Variants in MANBA observed in about 807,000 individuals in gnomAD.
MANBA encodes the protein mannosidase beta.
In MANBA, 83 loss-of-function variants were observed where a neutral mutation model predicts 111.1. The ratio of observed to expected loss-of-function variants is 0.75; its 90% CI spans 0.63 to 0.90. The LOEUF is 0.90. Ranked by LOEUF, MANBA falls within the 40% of genes least tolerant of loss-of-function variation. MANBA has a pLI of 0.00. For synonymous variants in MANBA, 370 were observed against 378.7 expected (o/e 0.98, Z 0.27); for missense variants, 1,036 against 1,069.0 (o/e 0.97, Z 0.43).
At chr4:102,731,989 C>T (rs1198594715) in intron 1 of MANBA, among the ~76,000 whole-genome samples, 1 of 152,032 alleles carries the variant, frequency 6.6e-6, no homozygotes, top group African/African-American at 2.4e-5. Context: ...CTCACTGCAA[C>T]TTCAGCCTCC....
At position 102,699,760 on chromosome 4, in the gene MANBA, C is replaced by A. The variant is rs1426989078; in HGVS notation, c.674-8989G>T. On this transcript the variant is annotated intron_variant, in intron 5 of 16. Coordinates refer to ENST00000647097, the MANE Select transcript of MANBA (RefSeq NM_005908.4). ...TGATGTGCTGCTGGATCCGGTTTGC[C>A]AGTATTTTATTGAGGATTTTTGCAT... Among the ~76,000 whole-genome samples the A allele has an allele frequency of 1.5e-4, 22 of 151,004 alleles. No individual in the cohort carries two copies. In the South Asian group the frequency reaches 4.5e-3, roughly 31 times the overall value.
rs2110184060 is a variant in MANBA at position 102,631,150 on chromosome 4, GTGTA to G, written c.*903_*906del. The G allele has an allele frequency of 6.9e-6, 1 of 145,786 alleles. No individual in the cohort carries two copies. The highest frequency in any genetic ancestry group is 2.1e-4 in the South Asian group (1 of 4,662). The allele number at this position is 145,786 out of a possible 1,614,324, so 9.0% of individuals were successfully genotyped here. ...TGTGTGTGTGTGTGTGTGTGTGTGT[GTGTA>G]CATATAAAATGAGGATACTCTTAGA... On this transcript the variant is annotated 3_prime_UTR_variant, in exon 17 of 17. Coordinates refer to ENST00000647097, the MANE Select transcript of MANBA (RefSeq NM_005908.4).
chr4:102,707,567 C>G (rs1003309602), intron 5 of MANBA, among the ~76,000 whole-genome samples: 1 of 151,970 alleles, frequency 6.6e-6, no homozygotes, highest in African/African-American at 2.4e-5. Flanking sequence ...AAACACCAAA[C>G]CACAGTGATA....
At position 102,690,714 on chromosome 4, in the gene MANBA, G is replaced by A; in HGVS notation, c.731C>T (p.Ser244Leu). 1 of 1,606,382 alleles carries A rather than the reference G, an allele frequency of 6.2e-7. No homozygotes were observed. Among genetic ancestry groups the A allele is most frequent in the African/African-American group, 1.3e-5 (1 of 74,810 alleles). ...GATCACTTGACCACCAACTGGCTTT[G>A]AGCTGACAACATCAAATGTAGACTC... Reference protein sequence around the residue: ...EIESTFDVVSSKPVGGQVIVA... With the variant: ...EIESTFDVVSLKPVGGQVIVA... The change falls in exon 6 of 17, where the codon TCA becomes TTA. Residue 244 changes from serine (S) to leucine (L), a missense_variant. Coordinates refer to ENST00000647097, the MANE Select transcript of MANBA (RefSeq NM_005908.4).
At chr4:102,678,326 G>A (rs928496516) in intron 7 of MANBA, among the ~76,000 whole-genome samples, 3 of 152,060 alleles carry the variant, frequency 2.0e-5, no homozygotes, top group South Asian at 2.1e-4. Context: ...AAAGGCTCCC[G>A]CTTCTATGAT....
At chr4:102,746,132 G>A (rs1220293630) in intron 1 of MANBA, among the ~76,000 whole-genome samples, 1 of 152,208 alleles carries the variant, frequency 6.6e-6, no homozygotes, top group Non-Finnish European at 1.5e-5. Flanking sequence ...TGGGGATGAA[G>A]AAGCTGTTTC....
At chr4:102,748,430 CTA>C (rs533338728) in intron 1 of MANBA, among the ~76,000 whole-genome samples, 4 of 150,698 alleles carry the variant, frequency 2.7e-5, no homozygotes, top group African/African-American at 7.3e-5. Context: ...CAATATAAAA[CTA>C]TATATATATA....
In MANBA at chr4:102,723,978, G is replaced by A. The variant is rs1157413207; in HGVS notation, c.273-11C>T. The stretch of plus-strand genomic sequence containing the variant: ...ACTTTTTGCCATTTGCTAAAAAAAA[G>A]AAAAGATTTTTAAAACAAGATGTGT... On this transcript the variant is annotated splice_polypyrimidine_tract_variant and intron_variant, in intron 2 of 16. Transcript: ENST00000647097. 1.3e-6 allele frequency: 2 copies of A among 1,491,318 alleles called. No individual in the cohort carries two copies. Among genetic ancestry groups the A allele is most frequent in the East Asian group, 2.3e-5 (1 of 44,002 alleles). The allele number at this position is 1,491,318 out of a possible 1,614,324, so 92.4% of individuals were successfully genotyped here.
chr4:102,728,464 T>C, intron 1 of MANBA: 2 of 402,134 alleles, frequency 5.0e-6, no homozygotes, highest in South Asian at 3.9e-5. Context: ...CTTTGTATGG[T>C]TTTTCGGAAT....
At chr4:102,681,783 T>G (rs1731989161) in intron 7 of MANBA, among the ~76,000 whole-genome samples, 1 of 152,164 alleles carries the variant, frequency 6.6e-6, no homozygotes, top group Admixed American at 6.5e-5. Flanking sequence ...TTCCAAACTG[T>G]TATAAATTTG....
intron 1 of MANBA, chr4:102,728,457 T>G (rs1722894915): frequency 9.6e-6 from 4 of 416,356 alleles, no homozygotes; most frequent in African/African-American, 8.3e-5. Context: ...AGGGACTCTT[T>G]GTATGGTTTT....
intron 1 of MANBA, among the ~76,000 whole-genome samples, chr4:102,741,274 T>TA (rs986621395): frequency 6.6e-6 from 1 of 151,926 alleles, no homozygotes; most frequent in South Asian, 2.1e-4. Flanking sequence ...TGGCCATAAT[T>TA]AAAAAAACAA....
chr4:102,685,732 A>G (rs1290953835), intron 7 of MANBA, among the ~76,000 whole-genome samples: 1 of 152,154 alleles, frequency 6.6e-6, no homozygotes, highest in Non-Finnish European at 1.5e-5. Flanking sequence ...TAAAGTTCCA[A>G]CAATAATACA....
chr4:102,732,130 C>T (rs538227669), intron 1 of MANBA, among the ~76,000 whole-genome samples: 4 of 152,226 alleles, frequency 2.6e-5, no homozygotes, highest in East Asian at 1.9e-4. Flanking sequence ...AGGCTGGTCT[C>T]GAACTCCTGA....
At chr4:102,722,290 T>C (rs1485330428) in intron 4 of MANBA, 1 of 156,572 alleles carries the variant, frequency 6.4e-6, no homozygotes, top group South Asian at 1.8e-4. Context: ...CAATTAAAAT[T>C]TTTAAAATAT....
rs138196370 is a variant in MANBA, at chr4:102,683,877, C to G, written c.960+5697G>C. On this transcript the variant is annotated intron_variant, in intron 7 of 16. Transcript: ENST00000647097. ...ATATTTTCCCTATATTACCTCCCTT[C>G]TTGCTTAAACCATTTGCCCCAATGT... Among the ~76,000 whole-genome samples the G allele has an allele frequency of 2.4e-4, 36 of 152,238 alleles. No individual in the cohort carries two copies. In the East Asian group the frequency reaches 6.8e-3, roughly 29 times the overall value.
At position 102,653,845 on chromosome 4, in the gene MANBA, G is replaced by A. The variant is rs138101403; in HGVS notation, c.1705-3144C>T. 4.1e-4 allele frequency among the ~76,000 whole-genome samples: 62 copies of A among 152,254 alleles called. No individual in the cohort carries two copies. The Middle Eastern group carries it at 0.014, about 33-fold the overall frequency. On this transcript the variant is annotated intron_variant, in intron 12 of 16. Coordinates refer to ENST00000647097, the MANE Select transcript of MANBA (RefSeq NM_005908.4). The stretch of plus-strand genomic sequence containing the variant: ...TTTCTAACACTAATCTTTCTAAAGC[G>A]TGGTGAAAAGAAAATCTATCAGCTC...
At chr4:102,708,513 G>A (rs977238838) in intron 5 of MANBA, among the ~76,000 whole-genome samples, 19 of 151,972 alleles carry the variant, frequency 1.3e-4, no homozygotes, top group African/African-American at 4.8e-5. Context: ...AGTGCTAAGA[G>A]GGAAGTTTAT....
At chr4:102,693,312 GA>G (rs1171595344) in intron 5 of MANBA, among the ~76,000 whole-genome samples, 2 of 152,152 alleles carry the variant, frequency 1.3e-5, no homozygotes, top group Non-Finnish European at 2.9e-5. Context: ...TTGGAACACA[GA>G]TGTTATGGAC....
Sources: gnomAD v4.1 joint callset for allele counts (sites outside exome capture counted in the v4.1 genomes callset) on GRCh38, gnomAD v4.1.1 for gene constraint, MANE v1.5 for transcripts, NCBI Gene and HGNC (gene_info 2026-07-23, HGNC 2026-07-21) for gene names.